The following MALRD1 variants were observed in gnomAD, a reference collection of about 807,000 sequenced individuals.
MALRD1 encodes MAM and LDL receptor class A domain containing 1.
A neutral mutation model predicts 242.1 loss-of-function variants in MALRD1; 247 were observed. The observed-to-expected ratio is 1.02, with a 90% confidence interval of 0.92 to 1.13. MALRD1 has a LOEUF of 1.13. Ranked by LOEUF, MALRD1 falls within the 50% of genes most tolerant of loss-of-function variation. The pLI is 0.00. For synonymous variants in MALRD1, 995 were observed against 866.6 expected (o/e 1.15, Z -2.60); for missense variants, 2,989 against 2,533.1 (o/e 1.18, Z -3.86).
intron 19 of MALRD1, among the ~76,000 whole-genome samples, chr10:19,258,438 G>A (rs547582715): frequency 6.6e-6 from 1 of 152,208 alleles, no homozygotes; most frequent in East Asian, 1.9e-4. Flanking sequence ...CTGGAGTTTG[G>A]CACTCAGACT....
At chr10:19,638,101 C>CAAAAAAAAAAAAAAAAAAAAAA (rs56865342) in intron 36 of MALRD1, among the ~76,000 whole-genome samples, 1 of 41,924 alleles carries the variant, frequency 2.4e-5, no homozygotes, top group African/African-American at 6.2e-5. Context: ...AACTCACTCT[C>CAAAAAAAAAAAAAAAAAAAAAA]AAAAAAAAAA....
chr10:19,425,164 G>C (rs1181972559), intron 28 of MALRD1, among the ~76,000 whole-genome samples: 1 of 152,072 alleles, frequency 6.6e-6, no homozygotes, highest in African/African-American at 2.4e-5. Flanking sequence ...CTGCCCTTTA[G>C]CAGCTATTAA....
At chr10:19,368,139 T>C (rs2130733148) in intron 26 of MALRD1, among the ~76,000 whole-genome samples, 1 of 152,224 alleles carries the variant, frequency 6.6e-6, no homozygotes. Context: ...CTTTGTTTTA[T>C]TTTTGTTTGT....
chr10:19,159,790 C>A (rs1564431002), intron 12 of MALRD1, among the ~76,000 whole-genome samples: 2 of 152,216 alleles, frequency 1.3e-5, no homozygotes, highest in African/African-American at 2.4e-5. Flanking sequence ...CTAAGACTGT[C>A]ACCCCCTCTC....
At chr10:19,235,212 G>C (rs1378343719) in intron 18 of MALRD1, among the ~76,000 whole-genome samples, 1 of 152,084 alleles carries the variant, frequency 6.6e-6, no homozygotes, top group East Asian at 1.9e-4. Context: ...AGGGGGACAC[G>C]TTTGAAGTAG....
intron 28 of MALRD1, 148 bp downstream of exon 28, chr10:19,389,757 T>G (rs1315838236): frequency 1.3e-6 from 1 of 773,626 alleles, no homozygotes; most frequent in African/African-American, 1.8e-5. Flanking sequence ...CTCCTGCCTC[T>G]GCCTCCCGAA....
At chr10:19,097,676 A>C (rs1836092856) in intron 4 of MALRD1, among the ~76,000 whole-genome samples, 1 of 152,120 alleles carries the variant, frequency 6.6e-6, no homozygotes. Flanking sequence ...CATTTCCAGA[A>C]AGCTAGGTAT....
rs1479641962 is a variant in MALRD1, at chr10:19,209,459, G to C, written c.2770G>C (p.Asp924His). The change falls in exon 18 of 40, where the codon GAC (aspartate) becomes CAC (histidine). Residue 924 changes from aspartate (D) to histidine (H), a missense_variant. By Grantham distance (81) the Asp-to-His change is moderately conservative (BLOSUM62 -1). Transcript: ENST00000454679. ...ATCTTCAGAGCCACAGGCTTTTCAA[G>C]ACAGTGCTGCCTTACTCAGCCCAAT... ...IESSEPQAFQ[D>H]SAALLSPILN... is the part of the protein sequence containing the mutation. 4 of 1,550,908 alleles carry C rather than the reference G, an allele frequency of 2.6e-6. No individual in the cohort carries two copies. The highest frequency in any genetic ancestry group is 3.5e-6 in the Non-Finnish European group (4 of 1,147,064).
chr10:19,245,937 T>C (rs1256959123), intron 18 of MALRD1, among the ~76,000 whole-genome samples: 1 of 152,190 alleles, frequency 6.6e-6, no homozygotes, highest in African/African-American at 2.4e-5. Flanking sequence ...AAGGACCCTA[T>C]ATTCTCTCTT....
intron 18 of MALRD1, among the ~76,000 whole-genome samples, chr10:19,234,679 T>C (rs538995805): frequency 6.6e-6 from 1 of 152,308 alleles, no homozygotes; most frequent in African/African-American, 2.4e-5. Flanking sequence ...TATAATCTTT[T>C]GTTCCTTGAA....
chr10:19,076,648 G>T (rs1193344929), intron 2 of MALRD1, among the ~76,000 whole-genome samples: 1 of 151,898 alleles, frequency 6.6e-6, no homozygotes, highest in Non-Finnish European at 1.5e-5. Flanking sequence ...TTCTGCCTGT[G>T]CTTATGACAG....
intron 2 of MALRD1, among the ~76,000 whole-genome samples, chr10:19,084,681 T>C (rs1450103963): frequency 2.6e-5 from 4 of 151,990 alleles, no homozygotes; most frequent in South Asian, 2.1e-4. Flanking sequence ...GCCAAAGTTA[T>C]TGGATTTAGC....
intron 36 of MALRD1, among the ~76,000 whole-genome samples, chr10:19,667,852 C>G (rs917517786): frequency 6.6e-6 from 1 of 152,064 alleles, no homozygotes; most frequent in African/African-American, 2.4e-5. Context: ...GAAGGGGTAA[C>G]TTATAAACAA....
intron 31 of MALRD1, among the ~76,000 whole-genome samples, chr10:19,524,905 T>TTAC: frequency 6.9e-6 from 1 of 144,710 alleles, no homozygotes; most frequent in South Asian, 2.1e-4. Flanking sequence ...TTTATTACTA[T>TTAC]TATTATTATT....
intron 32 of MALRD1, among the ~76,000 whole-genome samples, chr10:19,563,991 C>T (rs1303898298): frequency 6.6e-6 from 1 of 152,148 alleles, no homozygotes; most frequent in Admixed American, 6.5e-5. Context: ...TGCCTGCTCC[C>T]AGTTGGCCTT....
intron 13 of MALRD1, among the ~76,000 whole-genome samples, chr10:19,172,282 C>T (rs1018441347): frequency 2.0e-5 from 3 of 147,098 alleles, no homozygotes; most frequent in African/African-American, 7.4e-5. Flanking sequence ...ATTTTGAAAC[C>T]ATGAGATGGT....
In MALRD1 at chr10:19,455,317, G is replaced by T. The variant is rs529704410; in HGVS notation, c.5029+4827G>T. On this transcript the variant is annotated intron_variant, in intron 29 of 39. Coordinates refer to ENST00000454679, the MANE Select transcript of MALRD1 (RefSeq NM_001142308.3). ...TAAATGACTTCTGAAATTTCAGAACGTTACTTAAAGTACAATCATTTCTTA... is the reference window on the plus strand; with the variant it reads ...TAAATGACTTCTGAAATTTCAGAACTTTACTTAAAGTACAATCATTTCTTA... Among the ~76,000 whole-genome samples, 5 of 152,136 alleles carry T rather than the reference G, an allele frequency of 3.3e-5. No individual in the cohort carries two copies. In the East Asian group the frequency reaches 9.7e-4, roughly 29 times the overall value.
At chr10:19,379,450 C>A (rs76972398) in intron 26 of MALRD1, among the ~76,000 whole-genome samples, 1 of 152,114 alleles carries the variant, frequency 6.6e-6, no homozygotes, top group East Asian at 1.9e-4. Flanking sequence ...GTTACCTGAA[C>A]TGCTTTACCT....
chr10:19,588,193 T>C (rs1837547778), intron 33 of MALRD1, among the ~76,000 whole-genome samples: 1 of 152,320 alleles, frequency 6.6e-6, no homozygotes. Flanking sequence ...TGTTGATCTA[T>C]GCTTTTACTA....
Sources: allele counts gnomAD v4.1 joint callset (sites outside exome capture counted in the v4.1 genomes callset), GRCh38; gene constraint gnomAD v4.1.1; transcripts MANE v1.5; gene names NCBI Gene and HGNC (gene_info 2026-07-23, HGNC 2026-07-21).